The following MAPK4 variants were observed in gnomAD, a reference collection of about 807,000 sequenced individuals.
MAPK4 encodes mitogen-activated protein kinase 4.
In MAPK4, 22 loss-of-function variants were observed where a neutral mutation model predicts 47.7. The ratio of observed to expected loss-of-function variants is 0.46; its 90% CI spans 0.33 to 0.66. MAPK4 has a LOEUF of 0.66. Ranked by LOEUF, MAPK4 falls within the 30% of genes least tolerant of loss-of-function variation. The pLI is 0.02. For missense variants in MAPK4, 736 were observed against 831.7 expected (o/e 0.88, Z 1.42); for synonymous variants, 390 against 365.7 (o/e 1.07, Z -0.76).
chr18:50,694,186 G>C (rs1225872889), intron 2 of MAPK4, among the ~76,000 whole-genome samples: 1 of 152,168 alleles, frequency 6.6e-6, no homozygotes, highest in Non-Finnish European at 1.5e-5. Context: ...TGAAAAACTT[G>C]GCCATCAGAA....
rs569356313 is a variant in MAPK4, at chr18:50,565,959, A to T, written c.-871+5716A>T. On this transcript the variant is annotated intron_variant, in intron 1 of 5. Transcript: ENST00000400384. The stretch of plus-strand genomic sequence containing the variant: ...ATGACTTTAAGAACTTAAAATAATA[A>T]GGCTTTAAAAATGAAACTATAATTC... Among the ~76,000 whole-genome samples, 3 of 152,352 alleles carry T rather than the reference A, an allele frequency of 2.0e-5. No individual in the cohort carries two copies. The East Asian group carries it at 5.8e-4, about 29-fold the overall frequency.
At chr18:50,714,891 C>A (rs3752088) in intron 2 of MAPK4, among the ~76,000 whole-genome samples, 188 bp from the exon 3 acceptor site, 78,128 of 151,968 alleles carry the variant, frequency 0.51, 20,567 homozygotes, top group East Asian at 0.8. Flanking sequence ...TTCAACCCCA[C>A]AAACCAGGCC....
chr18:50,626,552 A>G (rs7227542), intron 1 of MAPK4, among the ~76,000 whole-genome samples: 45,625 of 152,104 alleles, frequency 0.3, 7,103 homozygotes, highest in Middle Eastern at 0.37. Context: ...TCAAGGTGTC[A>G]CATGTGGCCC....
Position 50,664,155 on chromosome 18 carries a change from T to C in MAPK4, c.197T>C (p.Ile66Thr), listed in dbSNP as rs1907453316. ...AGCATGAAGCACGCGCTCCGAGAGA[T>C]CAAGATCATTCGGCGCCTGGACCAC... Reference protein sequence around the residue: ...ARSMKHALREIKIIRRLDHDN... With the variant: ...ARSMKHALRETKIIRRLDHDN... Residue 66 changes from isoleucine to threonine, a missense_variant, in exon 2 of 6, where the codon ATC becomes ACC. Physicochemically the swap from Ile to Thr is moderately conservative, Grantham distance 89. Around this residue, in one of 3 missense-constraint regions of MAPK4, gnomAD observed 327 missense variants for 395.4 expected, o/e 0.83. Coordinates refer to ENST00000400384, the MANE Select transcript of MAPK4 (RefSeq NM_002747.4). This position sits in a 1 kb window ranked among gnomAD's most constrained non-coding sequence, Gnocchi z 6.0. 1 of 1,613,814 alleles carries C rather than the reference T, an allele frequency of 6.2e-7. No individual in the cohort carries two copies.
Position 50,664,391 on chromosome 18 carries a change from G to C in MAPK4, c.433G>C (p.Val145Leu). 1 of 1,614,098 alleles carries C rather than the reference G, an allele frequency of 6.2e-7. No homozygotes were observed. Among genetic ancestry groups the C allele is most frequent in the Non-Finnish European group, 8.5e-7 (1 of 1,180,030 alleles). ...RGLKYIHSANVLHRDLKPANI... is the reference protein window; with the variant it reads ...RGLKYIHSANLLHRDLKPANI... ...GCTCAAGTACATCCACTCCGCCAAC[G>C]TGCTGCACAGGGACCTGAAGCCCGC... The change falls in exon 2 of 6, where the codon GTG (valine) becomes CTG (leucine). Residue 145 changes from valine to leucine, a missense_variant. By Grantham distance (32) the Val-to-Leu change is conservative. Transcript: ENST00000400384. The surrounding 1 kb of genome is among the most constrained non-coding windows in gnomAD (Gnocchi z 6.0).
At chr18:50,667,000 C>T (rs984222339) in intron 2 of MAPK4, among the ~76,000 whole-genome samples, 30 of 152,212 alleles carry the variant, frequency 2.0e-4, no homozygotes, top group Non-Finnish European at 2.2e-4. Context: ...CTGATATGGC[C>T]AAAGGACACA....
intron 1 of MAPK4, among the ~76,000 whole-genome samples, chr18:50,570,073 A>G (rs1337395792): frequency 6.6e-6 from 1 of 152,200 alleles, no homozygotes. Flanking sequence ...GTTGGCTCAA[A>G]TTACCCAGTT....
chr18:50,726,141 A>G lies in MAPK4; in HGVS notation c.1033A>G (p.Ser345Gly). 6.2e-7 allele frequency: 1 copy of G among 1,614,096 alleles called. No individual in the cohort carries two copies. Among genetic ancestry groups the G allele is most frequent in the Non-Finnish European group, 8.5e-7 (1 of 1,180,022 alleles). ...CATCGTGCTGATGGCCGCTAACCAGAGCCAGCTGTCCAACTGGGACACGTG... is the reference window on the plus strand; with the variant it reads ...CATCGTGCTGATGGCCGCTAACCAGGGCCAGCTGTCCAACTGGGACACGTG... Reference protein sequence around the residue: ...DDIVLMAANQSQLSNWDTCSS... With the variant: ...DDIVLMAANQGQLSNWDTCSS... Residue 345 changes from serine (S) to glycine (G), a missense_variant, in exon 5 of 6, where the codon AGC becomes GGC. Physicochemically the swap from Ser to Gly is moderately conservative, Grantham distance 56 (BLOSUM62 0). Coordinates refer to ENST00000400384, the MANE Select transcript of MAPK4 (RefSeq NM_002747.4).
At chr18:50,566,698 A>G (rs1157883161) in intron 1 of MAPK4, among the ~76,000 whole-genome samples, 1 of 152,266 alleles carries the variant, frequency 6.6e-6, no homozygotes, top group South Asian at 2.1e-4. Context: ...AGACGGTTCA[A>G]TTGGTGGAAT....
At chr18:50,590,384 A>G (rs140195123) in intron 1 of MAPK4, among the ~76,000 whole-genome samples, 31 of 152,252 alleles carry the variant, frequency 2.0e-4, no homozygotes, top group African/African-American at 6.3e-4. Flanking sequence ...TCCTTGGAGG[A>G]GGATTTGAGC....
chr18:50,626,633 C>T (rs2042780954), intron 1 of MAPK4, among the ~76,000 whole-genome samples: 1 of 152,166 alleles, frequency 6.6e-6, no homozygotes, highest in African/African-American at 2.4e-5. Context: ...CCTCCCATTC[C>T]TCATCACCCT....
intron 1 of MAPK4, among the ~76,000 whole-genome samples, chr18:50,607,621 C>T (rs1204036121): frequency 2.0e-5 from 3 of 152,176 alleles, no homozygotes; most frequent in East Asian, 1.9e-4. Flanking sequence ...CCAGTTCTGA[C>T]GCACACAGTA....
At chr18:50,576,778 G>T (rs150821628) in intron 1 of MAPK4, among the ~76,000 whole-genome samples, 1 of 152,300 alleles carries the variant, frequency 6.6e-6, no homozygotes, top group African/African-American at 2.4e-5. Flanking sequence ...TAATGAAGCA[G>T]TATAATGCAG....
At chr18:50,675,839 CTGGTCTTG>C (rs1432333280) in intron 2 of MAPK4, among the ~76,000 whole-genome samples, 1 of 152,028 alleles carries the variant, frequency 6.6e-6, no homozygotes, top group Non-Finnish European at 1.5e-5. Context: ...GTTGGCCAGG[CTGGTCTTG>C]AACTCCTGAT....
intron 2 of MAPK4, among the ~76,000 whole-genome samples, chr18:50,712,594 A>G (rs973984949): frequency 6.6e-6 from 1 of 150,492 alleles, no homozygotes; most frequent in East Asian, 1.9e-4. Flanking sequence ...AGCTCCTATC[A>G]TGACCTGGTC....
chr18:50,569,704 A>G (rs1384461402), intron 1 of MAPK4, among the ~76,000 whole-genome samples: 1 of 152,242 alleles, frequency 6.6e-6, no homozygotes, highest in Non-Finnish European at 1.5e-5. Context: ...AAAACAAAAC[A>G]GAACAACAAT....
At chr18:50,706,187 G>C (rs1183470185) in intron 2 of MAPK4, 1 of 152,122 alleles carries the variant, frequency 6.6e-6, no homozygotes, top group Admixed American at 6.5e-5. Context: ...CAGCCATCTG[G>C]GGAAAACCTC....
At chr18:50,720,565 C>T (rs916063947) in intron 3 of MAPK4, among the ~76,000 whole-genome samples, 1 of 152,000 alleles carries the variant, frequency 6.6e-6, no homozygotes, top group Non-Finnish European at 1.5e-5. Context: ...TCATTCTCTG[C>T]CCCCACCCCC....
At chr18:50,712,197 T>A (rs115287064) in intron 2 of MAPK4, among the ~76,000 whole-genome samples, 1 of 152,084 alleles carries the variant, frequency 6.6e-6, no homozygotes, top group Non-Finnish European at 1.5e-5. Flanking sequence ...AAGGCCGAGG[T>A]AGGCAGACTG....
Sources: gnomAD v4.1 joint callset for allele counts (sites outside exome capture counted in the v4.1 genomes callset) on GRCh38, gnomAD v4.1.1 for gene constraint, gnomAD v4.1.1 regional missense constraint, Gnocchi (gnomAD v3.1) non-coding constraint, MANE v1.5 for transcripts, NCBI Gene and HGNC (gene_info 2026-07-23, HGNC 2026-07-21) for gene names.